Variants in GARNL3 observed in about 807,000 individuals in gnomAD.
The protein encoded by GARNL3 is GTPase activating Rap/RanGAP domain like 3.
GARNL3 carries 63 observed loss-of-function variants against 125.0 expected under a neutral mutation model. That is an observed-to-expected ratio of 0.50 (90% CI 0.41 to 0.62). GARNL3 has a LOEUF of 0.62. GARNL3 is among the 20% of genes least tolerant of loss of function. The probability of loss-of-function intolerance (pLI) is 0.00; values close to 1 mark genes in which losing one functional copy is unlikely to be tolerated. For synonymous variants in GARNL3, 439 were observed against 457.5 expected (o/e 0.96, Z 0.52); for missense variants, 994 against 1,244.0 (o/e 0.80, Z 3.02).
intron 1 of GARNL3, among the ~76,000 whole-genome samples, chr9:127,238,435 T>C (rs1480884858): frequency 6.6e-6 from 1 of 152,146 alleles, no homozygotes; most frequent in African/African-American, 2.4e-5. Flanking sequence ...TTTGGACTCA[T>C]AATACTAAGA....
chr9:127,379,812 TTC>T (rs758138103), intron 22 of GARNL3, among the ~76,000 whole-genome samples: 1 of 152,220 alleles, frequency 6.6e-6, no homozygotes, highest in Non-Finnish European at 1.5e-5. Context: ...TAAAGTCCAA[TTC>T]TGTTTTTCTT....
chr9:127,283,408 C>T (rs1359997997), intron 1 of GARNL3, among the ~76,000 whole-genome samples: 1 of 152,182 alleles, frequency 6.6e-6, no homozygotes, highest in Non-Finnish European at 1.5e-5. Context: ...CAGTGGCTCA[C>T]GCCTGTAATC....
chr9:127,243,189 G>T, exon 2 of GARNL3: 1 of 1,366,532 alleles, frequency 7.3e-7, no homozygotes, highest in Non-Finnish European at 9.8e-7. Flanking sequence ...CTCTCCTTCG[G>T]CATCCAGCCC....
chr9:127,331,050 T>C (rs1367070539), intron 7 of GARNL3, among the ~76,000 whole-genome samples: 1 of 152,200 alleles, frequency 6.6e-6, no homozygotes, highest in Non-Finnish European at 1.5e-5. Context: ...CTACCCTTAA[T>C]TGACCACCAA....
At chr9:127,341,602 C>T (rs1317036765) in intron 13 of GARNL3, among the ~76,000 whole-genome samples, 1 of 152,136 alleles carries the variant, frequency 6.6e-6, no homozygotes, top group East Asian at 1.9e-4. Flanking sequence ...GTGTTGGCAG[C>T]ATGGGGCTCA....
chr9:127,253,357 G>A (rs1341195971), intron 2 of GARNL3, among the ~76,000 whole-genome samples: 1 of 152,184 alleles, frequency 6.6e-6, no homozygotes, highest in African/African-American at 2.4e-5. Context: ...ATTTTAACTT[G>A]TTTTATATGG....
chr9:127,300,707 G>A lies in GARNL3; in HGVS notation c.219+9465G>A, dbSNP rs145180666. 1.9e-4 allele frequency: 60 copies of A among 317,740 alleles called. 2 individuals are homozygous for A. In the East Asian group the frequency reaches 3.5e-3, roughly 18 times the overall value. 19.7% of individuals were successfully genotyped at this position (317,740 alleles called of 1,614,324 possible). A position where few individuals can be genotyped will look rare whatever the true frequency, so the allele number is the denominator to read the frequency against. On this transcript the variant is annotated intron_variant, in intron 2 of 27. Transcript: ENST00000373387. ...TGACCTCAAGTGATCTGTCCCCCTC[G>A]GCCTCCCAAAGTGCTGGGATTACAG...
At chr9:127,330,294 C>T (rs1338544026) in intron 7 of GARNL3, among the ~76,000 whole-genome samples, 4 of 152,190 alleles carry the variant, frequency 2.6e-5, no homozygotes, top group South Asian at 2.1e-4. Context: ...GTCATCACTT[C>T]GAAAACAGAG....
chr9:127,306,856 G>C (rs1162968717), intron 2 of GARNL3, among the ~76,000 whole-genome samples: 1 of 152,084 alleles, frequency 6.6e-6, no homozygotes, highest in Non-Finnish European at 1.5e-5. Flanking sequence ...CTGCACTCCA[G>C]CATGGGCAAC....
chr9:127,359,287 C>T (rs1588928093), intron 21 of GARNL3, among the ~76,000 whole-genome samples: 1 of 152,132 alleles, frequency 6.6e-6, no homozygotes, highest in Non-Finnish European at 1.5e-5. Context: ...GTCAGGAGTT[C>T]GAGACCAGCC....
intron 2 of GARNL3, among the ~76,000 whole-genome samples, chr9:127,255,565 GT>G (rs1242474304): frequency 3.3e-5 from 5 of 152,168 alleles, no homozygotes; most frequent in Admixed American, 3.3e-4. Context: ...GTACACAAGG[GT>G]TTTAAGTATA....
chr9:127,264,919 A>G lies in GARNL3; in HGVS notation c.42A>G (p.Leu14=), dbSNP rs2063670136. 6.2e-7 allele frequency: 1 copy of G among 1,607,844 alleles called. No individual in the cohort carries two copies. The highest frequency in any genetic ancestry group is 8.5e-7 in the Non-Finnish European group (1 of 1,176,724). Residue 14 remains leucine (L), a synonymous_variant, in exon 1 of 28, where the codon CTA becomes CTG. Transcript: ENST00000373387. The part of the protein sequence containing the change: ...DFCRRFVARS[L]CIILMKHFCS... ...GCAGAAGGTTTGTGGCCAGATCGCTATGTATAATACTGATGAAGCATTTTT... is the reference window on the plus strand; with the variant it reads ...GCAGAAGGTTTGTGGCCAGATCGCTGTGTATAATACTGATGAAGCATTTTT...
chr9:127,354,248 T>C (rs1232248613), intron 18 of GARNL3, 46 bp from the exon 19 acceptor site: 2 of 1,486,716 alleles, frequency 1.3e-6, no homozygotes, highest in Admixed American at 1.7e-5. Context: ...CCAGGTTACC[T>C]TACTTTTCCA....
In GARNL3 at chr9:127,290,504, C is replaced by T. The variant is rs563130031; in HGVS notation, c.145-664C>T. On this transcript the variant is annotated intron_variant, in intron 1 of 27. Coordinates refer to ENST00000373387, the MANE Select transcript of GARNL3 (RefSeq NM_032293.5). The stretch of plus-strand genomic sequence containing the variant: ...AGGCTAAAAAAAGATGTGTTGCTTT[C>T]CCAAGTCACTACTGAGAAAATCTAG... Among the ~76,000 whole-genome samples the T allele has an allele frequency of 1.2e-4, 18 of 152,276 alleles. No homozygotes were observed. In the East Asian group the frequency reaches 3.3e-3, roughly 28 times the overall value.
chr9:127,301,964 A>G (rs565370355), intron 2 of GARNL3, among the ~76,000 whole-genome samples: 2 of 102,956 alleles, frequency 1.9e-5, no homozygotes, highest in East Asian at 6.4e-4. Flanking sequence ...TTTTTGAGAC[A>G]GAGTCTCGCT....
At chr9:127,279,670 G>A (rs2064053161) in intron 1 of GARNL3, among the ~76,000 whole-genome samples, 3 of 152,026 alleles carry the variant, frequency 2.0e-5, no homozygotes, top group Admixed American at 2.0e-4. Context: ...TTTTATTTTG[G>A]TTTCATAGTA....
At chr9:127,325,450 G>A (rs1197121134) in intron 7 of GARNL3, among the ~76,000 whole-genome samples, 2 of 152,066 alleles carry the variant, frequency 1.3e-5, no homozygotes, top group South Asian at 2.1e-4. Flanking sequence ...GAATTTATTT[G>A]CATGTTGCCA....
At chr9:127,373,258 C>T (rs1831705098) in intron 22 of GARNL3, among the ~76,000 whole-genome samples, 1 of 152,194 alleles carries the variant, frequency 6.6e-6, no homozygotes, top group Non-Finnish European at 1.5e-5. Context: ...TCAAGTATTG[C>T]TATTGCTGTA....
At chr9:127,237,214 C>T (rs1431467373) in intron 1 of GARNL3, among the ~76,000 whole-genome samples, 2 of 152,346 alleles carry the variant, frequency 1.3e-5, no homozygotes, top group Non-Finnish European at 2.9e-5. Context: ...GAGATCCTGG[C>T]ACCTTGACTA....
Sources: allele counts gnomAD v4.1 joint callset (sites outside exome capture counted in the v4.1 genomes callset), GRCh38; gene constraint gnomAD v4.1.1; transcripts MANE v1.5; gene names NCBI Gene and HGNC (gene_info 2026-07-23, HGNC 2026-07-21).